Variants in CLTCL1 observed in about 807,000 individuals in gnomAD.
The protein encoded by CLTCL1 is clathrin heavy chain 2.
A neutral mutation model predicts 190.0 loss-of-function variants in CLTCL1; 159 were observed. The observed-to-expected ratio is 0.84, with a 90% CI of 0.74 to 0.95. The LOEUF (loss-of-function observed/expected upper bound fraction) is 0.95, where lower values mean the gene tolerates loss of function less well. Among genes scored for constraint, CLTCL1 ranks in the 40% least tolerant of loss-of-function variants. The pLI, the probability that CLTCL1 is intolerant of heterozygous loss-of-function variation, is 0.00. For synonymous variants in CLTCL1, 752 were observed against 769.6 expected, an observed-to-expected ratio of 0.98 and a Z score of 0.38; for missense variants, 1,878 against 2,033.4, an observed-to-expected ratio of 0.92 and a Z score of 1.47.
rs201296558 is a variant in CLTCL1 at position 19,187,631 on chromosome 22, G to A, written c.4532C>T (p.Ala1511Val). 1,871 of 1,613,628 alleles carry A rather than the reference G, an allele frequency of 1.2e-3. 1 individual carries two copies. The highest frequency in any genetic ancestry group is 2.2e-3 in the Middle Eastern group (13 of 5,930). ...GTTATTGCCCTTGTACAGATAGGCCGCAATGCACCTGAACTCCATCAGCTG... is the reference window on the plus strand; with the variant it reads ...GTTATTGCCCTTGTACAGATAGGCCACAATGCACCTGAACTCCATCAGCTG... ...KHQLMEFRCI[A>V]AYLYKGNNWW... The change falls in exon 29 of 33, where the codon GCG becomes GTG. Residue 1511 changes from alanine to valine, a missense_variant. Physicochemically the swap from Ala to Val is moderately conservative, Grantham distance 64. Coordinates refer to ENST00000427926, the MANE Select transcript of CLTCL1 (RefSeq NM_007098.4).
chr22:19,258,233 G>A, intron 2 of CLTCL1: 1 of 342,774 alleles, frequency 2.9e-6, no homozygotes, highest in Non-Finnish European at 5.7e-6. Context: ...GGAGGCAGAT[G>A]TCCAAATATC....
chr22:19,196,752 A>G, intron 24 of CLTCL1, 96 bp from the exon 25 acceptor site: 14 of 1,374,382 alleles, frequency 1.0e-5, no homozygotes, highest in South Asian at 9.5e-5. Flanking sequence ...TGTGCTTGTG[A>G]CTGGGAATGA....
rs148974195 is a variant in CLTCL1, at chr22:19,288,027, C to G, written c.42+3573G>C. ...AATTCATAAGTTTTAAATTGCATAC[C>G]ATTCTGCAGAGTGATGAAATCTTGC... On this transcript the variant is annotated intron_variant, in intron 1 of 32. Coordinates refer to ENST00000427926, the MANE Select transcript of CLTCL1 (RefSeq NM_007098.4). Among the ~76,000 whole-genome samples the G allele has an allele frequency of 8.7e-4, 133 of 152,140 alleles. 2 individuals are homozygous for G. Among genetic ancestry groups the G allele is most frequent in the African/African-American group, 3.0e-3 (124 of 41,496 alleles).
intron 2 of CLTCL1, among the ~76,000 whole-genome samples, chr22:19,265,347 T>C (rs1555977423): frequency 6.6e-6 from 1 of 152,140 alleles, no homozygotes; most frequent in African/African-American, 2.4e-5. Flanking sequence ...TGAACTAAGA[T>C]GGGAGCTCAA....
Position 19,196,473 on chromosome 22 carries a change from AAGG to A in CLTCL1, c.4041+13_4041+15del. On this transcript the variant is annotated intron_variant, in intron 25 of 32. Transcript: ENST00000427926. ...CACGTGGCCACGGCTGCCAGACTGC[AAGG>A]AGTACACGGTACCTTTGGGATGTTG... 3.7e-6 allele frequency: 6 copies of A among 1,613,994 alleles called. No individual in the cohort carries two copies. The highest frequency in any genetic ancestry group is 2.2e-5 in the East Asian group (1 of 44,876).
intron 22 of CLTCL1, among the ~76,000 whole-genome samples, chr22:19,206,978 T>C (rs975557575): frequency 6.6e-6 from 1 of 152,092 alleles, no homozygotes; most frequent in South Asian, 2.1e-4. Flanking sequence ...TTCCCCATTA[T>C]GTTATCTGAT....
At chr22:19,226,196 G>T in intron 12 of CLTCL1, 23 bp downstream of exon 12, 2 of 1,609,066 alleles carry the variant, frequency 1.2e-6, no homozygotes, top group Non-Finnish European at 1.7e-6. Context: ...GCCATAATAG[G>T]AGTGCCCAGG....
intron 30 of CLTCL1, chr22:19,181,444 G>A (rs1349809915): frequency 6.6e-6 from 1 of 152,478 alleles, no homozygotes; most frequent in Non-Finnish European, 1.5e-5. Context: ...CACTGAGTAA[G>A]AAAGAGAAAT....
intron 5 of CLTCL1, among the ~76,000 whole-genome samples, chr22:19,236,826 C>T (rs1396403237): frequency 6.6e-6 from 1 of 151,972 alleles, no homozygotes. Flanking sequence ...GGAAAATAGG[C>T]ACTTTAATCA....
chr22:19,212,857 TAAAATG>T (rs1555947675), intron 19 of CLTCL1, among the ~76,000 whole-genome samples: 1 of 152,028 alleles, frequency 6.6e-6, no homozygotes, highest in Non-Finnish European at 1.5e-5. Flanking sequence ...AATCTAAATA[TAAAATG>T]AAAAAGAATG....
At chr22:19,252,169 C>G (rs375362145) in intron 3 of CLTCL1, among the ~76,000 whole-genome samples, 69 of 152,328 alleles carry the variant, frequency 4.5e-4, no homozygotes, top group African/African-American at 1.6e-3. Flanking sequence ...TTCAACTAGT[C>G]TCCTGGCCTC....
At chr22:19,255,797 C>G (rs2086727365) in intron 2 of CLTCL1, among the ~76,000 whole-genome samples, 1 of 151,088 alleles carries the variant, frequency 6.6e-6, no homozygotes, top group African/African-American at 2.4e-5. Flanking sequence ...GTAATCCCAG[C>G]TACTCGGGAG....
At chr22:19,221,058 T>C (rs1236249507) in intron 17 of CLTCL1, among the ~76,000 whole-genome samples, 7 of 151,286 alleles carry the variant, frequency 4.6e-5, no homozygotes, top group African/African-American at 7.3e-5. Context: ...AGTTCGGGAG[T>C]TGGGAAAGGT....
At chr22:19,186,504 A>T (rs1286250091) in intron 29 of CLTCL1, among the ~76,000 whole-genome samples, 1 of 152,048 alleles carries the variant, frequency 6.6e-6, no homozygotes, top group Non-Finnish European at 1.5e-5. Flanking sequence ...CTCTCAAGTG[A>T]TCCTCCCACT....
chr22:19,215,650 T>A (rs1168441077), intron 19 of CLTCL1, among the ~76,000 whole-genome samples: 2 of 152,234 alleles, frequency 1.3e-5, no homozygotes, highest in Non-Finnish European at 2.9e-5. Context: ...GGGCCTGTGC[T>A]GCTGCCCCTG....
chr22:19,233,337 C>A lies in CLTCL1; in HGVS notation c.1369-19G>T, dbSNP rs782400906. The A allele has an allele frequency of 6.2e-7, 1 of 1,611,040 alleles. No individual in the cohort carries two copies. Among genetic ancestry groups the A allele is most frequent in the Non-Finnish European group, 8.5e-7 (1 of 1,177,396 alleles). On this transcript the variant is annotated intron_variant, in intron 8 of 32. Transcript: ENST00000427926. Reference sequence around the variant, plus strand: ...ACTCCAGCTGTGGTATGCCAAGGGACAAGGCAAAGTTAGGAGGCAGGTAGG... The same window carrying A: ...ACTCCAGCTGTGGTATGCCAAGGGAAAAGGCAAAGTTAGGAGGCAGGTAGG...
chr22:19,205,262 C>G (rs574872468), intron 22 of CLTCL1, among the ~76,000 whole-genome samples: 110 of 152,310 alleles, frequency 7.2e-4, no homozygotes, highest in Non-Finnish European at 1.1e-3. Context: ...GTAATCCCAG[C>G]ACTTTGGGAG....
At chr22:19,236,211 T>C (rs2086077733) in intron 5 of CLTCL1, among the ~76,000 whole-genome samples, 1 of 152,220 alleles carries the variant, frequency 6.6e-6, no homozygotes, top group Non-Finnish European at 1.5e-5. Context: ...TTGTACTTGA[T>C]TGAGAATTAG....
intron 11 of CLTCL1, among the ~76,000 whole-genome samples, chr22:19,228,152 G>A (rs782572390): frequency 2.6e-5 from 4 of 152,212 alleles, no homozygotes; most frequent in Non-Finnish European, 4.4e-5. Context: ...CAGAGTTGAC[G>A]ATCAAACACA....
Sources: allele counts gnomAD v4.1 joint callset (sites outside exome capture counted in the v4.1 genomes callset), GRCh38; gene constraint gnomAD v4.1.1; transcripts MANE v1.5; gene names NCBI Gene and HGNC (gene_info 2026-07-23, HGNC 2026-07-21).